COL21A1: variants seen among roughly 807,000 people sequenced by gnomAD.
The protein encoded by COL21A1 is collagen alpha-1(XXI) chain.
In COL21A1, 149 loss-of-function variants were observed where a neutral mutation model predicts 137.9. The observed-to-expected ratio is 1.08, with a 90% confidence interval of 0.95 to 1.24. COL21A1 has a LOEUF of 1.24. Ranked by LOEUF, COL21A1 falls within the 50% of genes most tolerant of loss-of-function variation. COL21A1 has a pLI of 0.00. For missense variants in COL21A1, 1,167 were observed against 1,158.4 expected (o/e 1.01, Z -0.11); for synonymous variants, 456 against 391.5 (o/e 1.16, Z -1.95).
intron 10 of COL21A1, among the ~76,000 whole-genome samples, chr6:56,146,031 C>T (rs1774808766): frequency 6.6e-6 from 1 of 152,012 alleles, no homozygotes. Context: ...CAAGGGTCAC[C>T]AACTATTCTG....
rs1368153591 is a variant in COL21A1 at position 56,097,910 on chromosome 6, AAT to A, written c.1812+3560_1812+3561del. Among the ~76,000 whole-genome samples, 43 of 40,080 alleles carry A rather than the reference AAT, an allele frequency of 1.1e-3. 3 individuals are homozygous for A. Among genetic ancestry groups the A allele is most frequent in the South Asian group, 1.9e-3 (3 of 1,554 alleles). The allele number at this position is 40,080 out of a possible 152,430, so 26.3% of individuals were successfully genotyped here. A position where few individuals can be genotyped will look rare whatever the true frequency, so the allele number is the denominator to read the frequency against. On this transcript the variant is annotated intron_variant, in intron 17 of 29. Transcript: ENST00000244728. ...ATATATATAAATATATAAATATATA[AAT>A]ATATATAAATATATAAATATATAAA...
chr6:56,248,437 A>C (rs1782758529), upstream of COL21A1, among the ~76,000 whole-genome samples: 1 of 152,166 alleles, frequency 6.6e-6, no homozygotes, highest in South Asian at 2.1e-4. Flanking sequence ...CTTCCTGTAC[A>C]TCCCATCCAA....
At chr6:56,170,588 T>A in intron 5 of COL21A1, 61 bp downstream of exon 5, 1 of 1,153,940 alleles carries the variant, frequency 8.7e-7, no homozygotes, top group South Asian at 1.5e-5. Context: ...CCAACACACA[T>A]AAACCCAATA....
intron 1 of COL21A1, among the ~76,000 whole-genome samples, chr6:56,297,673 C>A (rs13202635): frequency 0.45 from 68,279 of 151,756 alleles, 17,282 homozygotes; most frequent in East Asian, 0.77. Flanking sequence ...AAGTAAAATC[C>A]CTAAAAAACA....
chr6:56,322,791 T>G (rs1764901329), intron 1 of COL21A1, among the ~76,000 whole-genome samples: 4 of 151,524 alleles, frequency 2.6e-5, no homozygotes, highest in Admixed American at 2.0e-4. Context: ...TGTGTTAATA[T>G]TTAATCCAAA....
intron 1 of COL21A1, among the ~76,000 whole-genome samples, chr6:56,306,723 T>G (rs1764469077): frequency 6.6e-6 from 1 of 151,992 alleles, no homozygotes. Flanking sequence ...AGCCTTCTTC[T>G]CTCAACTCGT....
chr6:56,231,288 T>C (rs1009655814), intron 1 of COL21A1, among the ~76,000 whole-genome samples: 35 of 151,880 alleles, frequency 2.3e-4, no homozygotes, highest in Admixed American at 5.9e-4. Context: ...GAAGCTCTGG[T>C]ATGGAAAAAT....
intron 13 of COL21A1, 70 bp from the exon 14 acceptor site, chr6:56,125,690 G>A: frequency 9.9e-7 from 1 of 1,008,846 alleles, no homozygotes; most frequent in South Asian, 2.0e-5. Flanking sequence ...AAAAAATACA[G>A]ATTATAAGCA....
chr6:56,280,586 G>T (rs1166196388), intron 1 of COL21A1, among the ~76,000 whole-genome samples: 1 of 152,164 alleles, frequency 6.6e-6, no homozygotes, highest in Non-Finnish European at 1.5e-5. Context: ...ATATAAGAAA[G>T]GAAGAAAGAT....
intron 1 of COL21A1, among the ~76,000 whole-genome samples, chr6:56,208,648 T>A (rs1779956449): frequency 6.6e-6 from 1 of 152,194 alleles, no homozygotes; most frequent in South Asian, 2.1e-4. Flanking sequence ...ACCATTGAGT[T>A]TCTTCACTGA....
At chr6:56,099,850 A>C (rs2152162967) in intron 17 of COL21A1, among the ~76,000 whole-genome samples, 1 of 152,220 alleles carries the variant, frequency 6.6e-6, no homozygotes, top group Middle Eastern at 3.4e-3. Flanking sequence ...CATGCTTATT[A>C]ATACCCTAGT....
At chr6:56,376,645 A>T (rs200814607) in intron 1 of COL21A1, among the ~76,000 whole-genome samples, 2 of 98,138 alleles carry the variant, frequency 2.0e-5, no homozygotes, top group African/African-American at 1.0e-4. Flanking sequence ...TTTTAGAGAT[A>T]GGGGAGAAGT....
intron 20 of COL21A1, among the ~76,000 whole-genome samples, chr6:56,073,242 C>G (rs989757114): frequency 2.6e-5 from 4 of 151,494 alleles, no homozygotes; most frequent in African/African-American, 9.7e-5. Context: ...CTGTGGAGAC[C>G]TGCTTAGCAA....
At chr6:56,362,563 G>A (rs1219566050) in intron 1 of COL21A1, among the ~76,000 whole-genome samples, 3 of 152,048 alleles carry the variant, frequency 2.0e-5, no homozygotes, top group South Asian at 4.2e-4. Flanking sequence ...TTTAAGAAAC[G>A]CTGATTTTGG....
At chr6:56,376,232 A>G (rs1581788073) in intron 1 of COL21A1, among the ~76,000 whole-genome samples, 1 of 152,340 alleles carries the variant, frequency 6.6e-6, no homozygotes, top group East Asian at 1.9e-4. Flanking sequence ...AAACCTCTCC[A>G]CTGGCTGCAA....
intron 1 of COL21A1, among the ~76,000 whole-genome samples, chr6:56,333,929 T>C (rs1421951077): frequency 6.6e-6 from 1 of 151,774 alleles, no homozygotes; most frequent in Non-Finnish European, 1.5e-5. Context: ...CCAATCTGTG[T>C]TTAAATATTT....
chr6:56,281,573 C>G (rs914586009), intron 1 of COL21A1, among the ~76,000 whole-genome samples: 1 of 152,120 alleles, frequency 6.6e-6, no homozygotes, highest in Non-Finnish European at 1.5e-5. Flanking sequence ...TCAAATTCTG[C>G]TGATATTCCT....
At position 56,164,437 on chromosome 6, in the gene COL21A1, G is replaced by A; in HGVS notation, c.1357C>T (p.Leu453Phe). Residue 453 changes from leucine (L) to phenylalanine (F), a missense_variant, in exon 9 of 30, where the codon CTT becomes TTT. Leu to Phe is a conservative substitution (Grantham distance 22). Transcript: ENST00000244728. ...GTGTTACCCACTTTGGGGCCTTGAA[G>A]TCCTGGTTTTCCCGGAGGACAAATA... ...PCICPPGKPGLQGPKGDPGLP... is the reference protein window; with the variant it reads ...PCICPPGKPGFQGPKGDPGLP... 6.3e-7 allele frequency: 1 copy of A among 1,585,350 alleles called. No individual in the cohort carries two copies. Among genetic ancestry groups the A allele is most frequent in the South Asian group, 1.2e-5 (1 of 86,504 alleles).
In COL21A1 at chr6:56,056,851, C is replaced by T. The variant is rs1020576061; in HGVS notation, c.*806G>A. 1 of 152,150 alleles carries T rather than the reference C, an allele frequency of 6.6e-6. No individual in the cohort carries two copies. The allele number at this position is 152,150 out of a possible 1,614,324, so 9.4% of individuals were successfully genotyped here. On this transcript the variant is annotated 3_prime_UTR_variant, in exon 30 of 30. Transcript: ENST00000244728. ...ATGAAAATTAACATATATGGACATA[C>T]ACATATAAGTGAAATGGAAAATGAA...
Sources: gnomAD v4.1 joint callset for allele counts (sites outside exome capture counted in the v4.1 genomes callset) on GRCh38, gnomAD v4.1.1 for gene constraint, MANE v1.5 for transcripts, NCBI Gene and HGNC (gene_info 2026-07-23, HGNC 2026-07-21) for gene names.